ARHGEF28: variants seen among roughly 807,000 people sequenced by gnomAD.
ARHGEF28 encodes Rho guanine nucleotide exchange factor 28.
ARHGEF28 carries 152 observed loss-of-function variants against 206.6 expected under a neutral mutation model. The observed-to-expected ratio is 0.74, with a 90% CI of 0.64 to 0.84. The LOEUF (loss-of-function observed/expected upper bound fraction) is 0.84, where lower values mean the gene tolerates loss of function less well. ARHGEF28 is among the 40% of genes least tolerant of loss of function. ARHGEF28 has a pLI of 0.00. For missense variants in ARHGEF28, 2,028 were observed against 2,073.2 expected (o/e 0.98, Z 0.42); for synonymous variants, 763 against 776.4 (o/e 0.98, Z 0.29).
At chr5:73,911,147 AGAAGT>A in intron 34 of ARHGEF28, 123 bp from the exon 35 acceptor site, 1 of 949,194 alleles carries the variant, frequency 1.1e-6, no homozygotes, top group East Asian at 2.6e-5. Flanking sequence ...GAGGGAGAAA[AGAAGT>A]GGTAATCTTG....
At chr5:73,856,473 A>G (rs886344414) in intron 14 of ARHGEF28, among the ~76,000 whole-genome samples, 1 of 150,076 alleles carries the variant, frequency 6.7e-6, no homozygotes, top group Non-Finnish European at 1.5e-5. Context: ...TAAGCCATGT[A>G]TTTTTTTTTT....
Position 73,933,955 on chromosome 5 carries a change from G to A in ARHGEF28, c.4949-6889G>A, listed in dbSNP as rs192995671. Among the ~76,000 whole-genome samples the A allele has an allele frequency of 3.2e-3, 472 of 149,694 alleles. 1 individual carries two copies. The highest frequency in any genetic ancestry group is 0.01 in the Middle Eastern group (3 of 290). ...TTTTCCCCCTCAGTTTGTTTGAATTGGAATCCAAATAATTTCATATATTGC... is the reference window on the plus strand; with the variant it reads ...TTTTCCCCCTCAGTTTGTTTGAATTAGAATCCAAATAATTTCATATATTGC... On this transcript the variant is annotated intron_variant, in intron 35 of 35. Coordinates refer to ENST00000513042, the MANE Select transcript of ARHGEF28 (RefSeq NM_001177693.2).
At chr5:73,664,403 A>G (rs1200000484) in intron 1 of ARHGEF28, among the ~76,000 whole-genome samples, 1 of 152,138 alleles carries the variant, frequency 6.6e-6, no homozygotes, top group Non-Finnish European at 1.5e-5. Flanking sequence ...CTGGATTCGA[A>G]TCTTGTCTAG....
chr5:73,796,840 G>A (rs1422807301), intron 9 of ARHGEF28, among the ~76,000 whole-genome samples: 1 of 152,190 alleles, frequency 6.6e-6, no homozygotes, highest in Admixed American at 6.5e-5. Context: ...TGATGTCAGG[G>A]CCATTGCTGT....
At chr5:73,896,978 A>T (rs887174865) in intron 29 of ARHGEF28, among the ~76,000 whole-genome samples, 4 of 152,222 alleles carry the variant, frequency 2.6e-5, no homozygotes, top group African/African-American at 9.6e-5. Context: ...CAGCCGAAAG[A>T]TGGAGCAGGA....
intron 1 of ARHGEF28, among the ~76,000 whole-genome samples, chr5:73,671,909 C>A (rs1387443962): frequency 6.6e-6 from 1 of 151,242 alleles, no homozygotes; most frequent in Non-Finnish European, 1.5e-5. Flanking sequence ...GCGTCTGCCA[C>A]CACACCTGGC....
chr5:73,915,611 A>G (rs1024818721), intron 35 of ARHGEF28, among the ~76,000 whole-genome samples: 1 of 152,222 alleles, frequency 6.6e-6, no homozygotes, highest in Non-Finnish European at 1.5e-5. Flanking sequence ...TGAGATGCTC[A>G]ACAGCATTAC....
At chr5:73,645,235 C>G (rs1288454779) in intron 1 of ARHGEF28, among the ~76,000 whole-genome samples, 1 of 152,172 alleles carries the variant, frequency 6.6e-6, no homozygotes, top group African/African-American at 2.4e-5. Context: ...AGGCTGGTCT[C>G]ATACTCCTGA....
chr5:73,863,550 A>G (rs916395463), intron 16 of ARHGEF28, among the ~76,000 whole-genome samples: 1 of 151,114 alleles, frequency 6.6e-6, no homozygotes, highest in Non-Finnish European at 1.5e-5. Context: ...ATGAAGCTCC[A>G]TTTTCCTCTC....
Position 73,883,756 on chromosome 5 carries a change from T to C in ARHGEF28, c.2938-11T>C. On this transcript the variant is annotated splice_polypyrimidine_tract_variant and intron_variant, in intron 23 of 35. Transcript: ENST00000513042. ...TAGAATTTGTGTACATAAAAGTATA[T>C]ATTTTTTAAGCTCCGAAATAGTAAT... The C allele has an allele frequency of 2.0e-6, 3 of 1,515,886 alleles. No individual in the cohort carries two copies. The highest frequency in any genetic ancestry group is 2.7e-6 in the Non-Finnish European group (3 of 1,123,074). 93.9% of individuals were successfully genotyped at this position (1,515,886 alleles called of 1,614,324 possible).
intron 1 of ARHGEF28, among the ~76,000 whole-genome samples, chr5:73,629,307 G>A (rs924692282): frequency 2.0e-5 from 3 of 151,968 alleles, no homozygotes; most frequent in African/African-American, 7.3e-5. Context: ...AGACCAGCCT[G>A]GGCAACATGG....
intron 1 of ARHGEF28, among the ~76,000 whole-genome samples, chr5:73,628,091 CTT>C (rs370617302): frequency 6.8e-6 from 1 of 146,852 alleles, no homozygotes; most frequent in African/African-American, 2.5e-5. Context: ...GGGTTTCATA[CTT>C]TTTTTTTTTA....
At chr5:73,858,850 C>G (rs963820002) in intron 16 of ARHGEF28, among the ~76,000 whole-genome samples, 7 of 152,188 alleles carry the variant, frequency 4.6e-5, no homozygotes, top group Admixed American at 1.3e-4. Flanking sequence ...GACTGAAGTC[C>G]TTAAGTGCTT....
At chr5:73,813,463 G>C (rs775767729) in intron 9 of ARHGEF28, 45 of 1,458,984 alleles carry the variant, frequency 3.1e-5, no homozygotes, top group Non-Finnish European at 3.8e-5. Context: ...GTGTGCAGGA[G>C]CTATTTCATC....
chr5:73,892,145 G>GCT lies in ARHGEF28; in HGVS notation c.3482_3483dup (p.Gly1162LeufsTer20), dbSNP rs1580057880. ...AATGTTTCTGATCAGTGCTTCATCTGCTGGTCCTGAGATGTATGAAATTCA... is the reference window on the plus strand; with the variant it reads ...AATGTTTCTGATCAGTGCTTCATCTGCTCTGGTCCTGAGATGTATGAAATTCA... On this transcript the variant is annotated frameshift_variant, in exon 27 of 36. Transcript: ENST00000513042. LOFTEE classifies it high-confidence loss of function. 1.3e-6 allele frequency: 2 copies of GCT among 1,587,666 alleles called. No individual in the cohort carries two copies. Among genetic ancestry groups the GCT allele is most frequent in the East Asian group, 4.5e-5 (2 of 44,268 alleles).
chr5:73,828,090 TA>T (rs1561435018), intron 9 of ARHGEF28: 1 of 151,160 alleles, frequency 6.6e-6, no homozygotes, highest in African/African-American at 2.4e-5. Flanking sequence ...ATGAAACTAT[TA>T]TAGCTTTTCC....
chr5:73,744,749 A>G lies in ARHGEF28; in HGVS notation c.34-5088A>G, dbSNP rs1751628949. On this transcript the variant is annotated intron_variant, in intron 2 of 35. Coordinates refer to ENST00000513042, the MANE Select transcript of ARHGEF28 (RefSeq NM_001177693.2). The stretch of plus-strand genomic sequence containing the variant: ...CCATATAAAGGCTGTGTATAATACT[A>G]GAATCCATTGGAAGATAGTTTATGT... Among the ~76,000 whole-genome samples, 2 of 152,082 alleles carry G rather than the reference A, an allele frequency of 1.3e-5. 1 individual carries two copies. The highest frequency in any genetic ancestry group is 4.1e-4 in the South Asian group (2 of 4,828).
chr5:73,670,458 G>A (rs1341547706), intron 1 of ARHGEF28, among the ~76,000 whole-genome samples: 6 of 152,166 alleles, frequency 3.9e-5, no homozygotes, highest in African/African-American at 1.4e-4. Context: ...AAATAAGACT[G>A]CTATGAACAA....
intron 22 of ARHGEF28, among the ~76,000 whole-genome samples, chr5:73,875,271 T>C (rs1760388342): frequency 6.6e-6 from 1 of 151,464 alleles, no homozygotes; most frequent in African/African-American, 2.4e-5. Context: ...GGGTTGTTTG[T>C]TTTTTTCTTG....
Sources: gnomAD v4.1 joint callset for allele counts (sites outside exome capture counted in the v4.1 genomes callset) on GRCh38, gnomAD v4.1.1 for gene constraint, MANE v1.5 for transcripts, NCBI Gene and HGNC (gene_info 2026-07-23, HGNC 2026-07-21) for gene names.